The following IGSF10 variants were observed in gnomAD, a reference collection of about 807,000 sequenced individuals.
IGSF10 encodes the protein calvaria mechanical force protein 608.
In IGSF10, 126 loss-of-function variants were observed where a neutral mutation model predicts 128.2. The observed-to-expected ratio is 0.98, with a 90% CI of 0.85 to 1.14. The LOEUF (loss-of-function observed/expected upper bound fraction) is 1.14, where lower values mean the gene tolerates loss of function less well. Ranked by LOEUF, IGSF10 falls within the 50% of genes most tolerant of loss-of-function variation. IGSF10 has a pLI of 0.00. For missense variants in IGSF10, 3,295 were observed against 3,149.8 expected, an observed-to-expected ratio of 1.05 and a Z score of -1.10; for synonymous variants, 1,185 against 1,146.2, an observed-to-expected ratio of 1.03 and a Z score of -0.68.
the IGSF10 span, among the ~76,000 whole-genome samples, chr3:151,480,189 C>T: frequency 2.6e-5 from 4 of 151,994 alleles, no homozygotes; most frequent in African/African-American, 9.7e-5. Context: ...ATATTTTGAC[C>T]AAAATAAAGA....
chr3:151,450,848 T>A (rs535968674), intron 5 of IGSF10, among the ~76,000 whole-genome samples: 1 of 120,294 alleles, frequency 8.3e-6, no homozygotes, highest in Non-Finnish European at 1.6e-5. Context: ...TGAGCCAAGA[T>A]CACACCATTG....
chr3:151,547,109 G>T, the IGSF10 span, among the ~76,000 whole-genome samples: 1 of 151,808 alleles, frequency 6.6e-6, no homozygotes, highest in Non-Finnish European at 1.5e-5. Flanking sequence ...TGTTTATATT[G>T]CTTCTTCAGG....
chr3:151,564,744 C>A, the IGSF10 span, among the ~76,000 whole-genome samples: 2 of 152,124 alleles, frequency 1.3e-5, no homozygotes, highest in South Asian at 2.1e-4. Context: ...ACTGACTGAG[C>A]TTTAGCATGA....
the IGSF10 span, among the ~76,000 whole-genome samples, chr3:151,619,172 T>C: frequency 6.6e-6 from 1 of 152,126 alleles, no homozygotes; most frequent in Non-Finnish European, 1.5e-5. Context: ...TATAAAGATC[T>C]CACATGTAGT....
At chr3:151,610,280 A>G in the IGSF10 span, among the ~76,000 whole-genome samples, 1 of 152,220 alleles carries the variant, frequency 6.6e-6, no homozygotes, top group African/African-American at 2.4e-5. Context: ...TCATTCAAAT[A>G]TTGATAGAAC....
chr3:151,442,752 A>G (rs1720935690), intron 7 of IGSF10, among the ~76,000 whole-genome samples: 1 of 152,026 alleles, frequency 6.6e-6, no homozygotes, highest in South Asian at 2.1e-4. Flanking sequence ...ATTCTGCCTA[A>G]AATATAAAAA....
At chr3:151,565,432 T>G in the IGSF10 span, among the ~76,000 whole-genome samples, 1 of 152,058 alleles carries the variant, frequency 6.6e-6, no homozygotes, top group South Asian at 2.1e-4. Flanking sequence ...AGTGGTAAGG[T>G]CTGGTTTACT....
the IGSF10 span, among the ~76,000 whole-genome samples, chr3:151,573,585 A>T: frequency 2.0e-5 from 3 of 152,052 alleles, no homozygotes; most frequent in African/African-American, 7.3e-5. Flanking sequence ...TGCTTGGTAG[A>T]TCTTCCTCCA....
At chr3:151,526,538 A>T in the IGSF10 span, among the ~76,000 whole-genome samples, 1 of 151,952 alleles carries the variant, frequency 6.6e-6, no homozygotes, top group Admixed American at 6.6e-5. Flanking sequence ...AGTACCACGA[A>T]GTTTCTATTG....
chr3:151,439,222 A>T (rs1336711294), intron 7 of IGSF10, among the ~76,000 whole-genome samples: 1 of 152,216 alleles, frequency 6.6e-6, no homozygotes, highest in East Asian at 1.9e-4. Flanking sequence ...TGATTTTGTA[A>T]TATATATAGG....
At chr3:151,492,764 T>A in the IGSF10 span, among the ~76,000 whole-genome samples, 1 of 133,790 alleles carries the variant, frequency 7.5e-6, no homozygotes, top group Admixed American at 7.7e-5. Flanking sequence ...CAAAACCCCA[T>A]CATATGACAC....
At chr3:151,515,614 T>G in the IGSF10 span, among the ~76,000 whole-genome samples, 57 of 151,814 alleles carry the variant, frequency 3.8e-4, no homozygotes, top group East Asian at 0.011. Context: ...AAACTTGAAG[T>G]ATAATATAAA....
the IGSF10 span, among the ~76,000 whole-genome samples, chr3:151,489,886 G>A: frequency 6.6e-5 from 10 of 152,038 alleles, no homozygotes; most frequent in Non-Finnish European, 1.0e-4. Flanking sequence ...TGGGTTGATG[G>A]GTGCAGCAAA....
At chr3:151,602,898 GGAGT>G in the IGSF10 span, among the ~76,000 whole-genome samples, 2 of 152,140 alleles carry the variant, frequency 1.3e-5, no homozygotes, top group African/African-American at 4.8e-5. Flanking sequence ...CGTATTTTCT[GGAGT>G]GACTAAACTG....
the IGSF10 span, among the ~76,000 whole-genome samples, chr3:151,479,680 G>C: frequency 1.3e-5 from 2 of 152,156 alleles, no homozygotes; most frequent in Non-Finnish European, 2.9e-5. Context: ...GTGTTTACTG[G>C]AATCTGAGAA....
intron 3 of IGSF10, among the ~76,000 whole-genome samples, 173 bp from the exon 4 acceptor site, chr3:151,457,328 C>T (rs1721843886): frequency 6.6e-6 from 1 of 152,240 alleles, no homozygotes; most frequent in African/African-American, 2.4e-5. Flanking sequence ...AAGGTCGGCT[C>T]TCTACCCAGT....
At chr3:151,441,246 T>G (rs1400690326) in intron 7 of IGSF10, among the ~76,000 whole-genome samples, 1 of 152,200 alleles carries the variant, frequency 6.6e-6, no homozygotes, top group Non-Finnish European at 1.5e-5. Flanking sequence ...TTTTATAAAC[T>G]AATATTTTTG....
the IGSF10 span, among the ~76,000 whole-genome samples, chr3:151,605,309 G>T: frequency 6.6e-6 from 1 of 152,162 alleles, no homozygotes; most frequent in African/African-American, 2.4e-5. Context: ...AATCTGTGGG[G>T]ATCAATTGTA....
the IGSF10 span, among the ~76,000 whole-genome samples, chr3:151,538,085 A>G: frequency 1.3e-5 from 2 of 152,118 alleles, no homozygotes; most frequent in Non-Finnish European, 2.9e-5. Context: ...GGGATTCTTA[A>G]TAGTTGCCAA....
Sources: allele counts gnomAD v4.1 joint callset (sites outside exome capture counted in the v4.1 genomes callset), GRCh38; gene constraint gnomAD v4.1.1; transcripts MANE v1.5; gene names NCBI Gene and HGNC (gene_info 2026-07-23, HGNC 2026-07-21).